The following FAM135A variants were observed in gnomAD, a reference collection of about 807,000 sequenced individuals.
The protein encoded by FAM135A is family with sequence similarity 135 member A, also known as protein FAM135A.
In FAM135A, 79 loss-of-function variants were observed where a neutral mutation model predicts 146.8. The ratio of observed to expected loss-of-function variants is 0.54; its 90% CI spans 0.45 to 0.65. FAM135A has a LOEUF of 0.65. Among genes scored for constraint, FAM135A ranks in the 30% least tolerant of loss-of-function variants. FAM135A has a pLI of 0.00. For synonymous variants in FAM135A, 562 were observed against 603.6 expected, an observed-to-expected ratio of 0.93 and a Z score of 1.01; for missense variants, 1,623 against 1,758.2, an observed-to-expected ratio of 0.92 and a Z score of 1.38.
At chr6:70,559,655 A>G in intron 21 of FAM135A, 61 bp from the exon 22 acceptor site, 1 of 1,361,520 alleles carries the variant, frequency 7.3e-7, no homozygotes, top group Non-Finnish European at 1.0e-6. Context: ...AAATTGGCAT[A>G]GTTTTTTTAT....
At chr6:70,433,670 A>G (rs1346375316) in intron 4 of FAM135A, among the ~76,000 whole-genome samples, 3 of 152,156 alleles carry the variant, frequency 2.0e-5, no homozygotes, top group African/African-American at 7.2e-5. Flanking sequence ...GCTCTCCTCC[A>G]CATAATCTCT....
At chr6:70,454,540 G>C (rs1777872008) in intron 5 of FAM135A, among the ~76,000 whole-genome samples, 2 of 152,300 alleles carry the variant, frequency 1.3e-5, no homozygotes, top group South Asian at 4.1e-4. Flanking sequence ...TATGGTTTTA[G>C]ATATAATGTT....
At chr6:70,500,650 T>G (rs915593919) in intron 11 of FAM135A, among the ~76,000 whole-genome samples, 8 of 152,250 alleles carry the variant, frequency 5.3e-5, no homozygotes, top group African/African-American at 1.9e-4. Flanking sequence ...TGATGGCCTT[T>G]GGATGGCGTT....
chr6:70,433,363 C>T (rs572824866), intron 4 of FAM135A, among the ~76,000 whole-genome samples: 6 of 152,214 alleles, frequency 3.9e-5, no homozygotes, highest in Middle Eastern at 3.4e-3. Context: ...CATGAGCCAC[C>T]GCGCCCGGCC....
chr6:70,465,268 T>G (rs999478881), intron 5 of FAM135A, among the ~76,000 whole-genome samples: 2 of 152,180 alleles, frequency 1.3e-5, no homozygotes, highest in Admixed American at 6.5e-5. Flanking sequence ...TCCATTAATT[T>G]GTAGATAGAC....
At chr6:70,506,715 CTT>C (rs757239054) in intron 12 of FAM135A, among the ~76,000 whole-genome samples, 14 of 123,256 alleles carry the variant, frequency 1.1e-4, no homozygotes, top group Non-Finnish European at 2.2e-4. Flanking sequence ...ATTTTTTTCT[CTT>C]TTTTTTTTAT....
At chr6:70,551,502 TTGGGAGGTTGAAG>T (rs1365317772) in intron 20 of FAM135A, among the ~76,000 whole-genome samples, 1 of 152,164 alleles carries the variant, frequency 6.6e-6, no homozygotes, top group East Asian at 1.9e-4. Context: ...TTTCAGCTAC[TTGGGAGGTTGAAG>T]TGGGAGGATC....
intron 15 of FAM135A, among the ~76,000 whole-genome samples, chr6:70,527,410 TATACACAGAAATTAAG>T (rs1229262717): frequency 2.0e-5 from 3 of 152,120 alleles, no homozygotes; most frequent in Non-Finnish European, 4.4e-5. Context: ...TATTCTGATT[TATACACAGAAATTAAG>T]ATACATAGTG....
chr6:70,526,005 T>G lies in FAM135A; in HGVS notation c.2921T>G (p.Leu974Ter). ...ACATTAAATTCAAAACTGATTTGTT[T>G]AGGCACTCCTTGTGTCATTTCAGGT... Reference protein sequence around the residue: ...AITLNSKLICLGTPCVISGSI... With the variant: ...AITLNSKLIC The change falls in exon 15 of 22, where the codon TTA (leucine) becomes TGA (stop). Residue 974 changes from leucine to a stop codon, truncating the protein, a stop_gained. Transcript: ENST00000418814. LOFTEE classifies it high-confidence loss of function. The G allele has an allele frequency of 6.2e-7, 1 of 1,612,714 alleles. No homozygotes were observed. The highest frequency in any genetic ancestry group is 8.5e-7 in the Non-Finnish European group (1 of 1,179,474).
chr6:70,415,006 A>G (rs369332275), intron 1 of FAM135A, among the ~76,000 whole-genome samples: 1 of 152,218 alleles, frequency 6.6e-6, no homozygotes, highest in East Asian at 1.9e-4. Flanking sequence ...TGCTATTGCA[A>G]TTGATTGCAT....
intron 3 of FAM135A, among the ~76,000 whole-genome samples, chr6:70,427,585 G>A (rs1359020050): frequency 6.6e-6 from 1 of 151,504 alleles, no homozygotes; most frequent in Non-Finnish European, 1.5e-5. Context: ...TGACATATAT[G>A]TTCACTGAAT....
chr6:70,552,320 T>C (rs1178788136), intron 20 of FAM135A, among the ~76,000 whole-genome samples: 2 of 151,790 alleles, frequency 1.3e-5, no homozygotes, highest in Non-Finnish European at 2.9e-5. Context: ...ATAAACCCTT[T>C]ATATAAACCT....
chr6:70,556,276 A>G lies in FAM135A; in HGVS notation c.4229-474A>G, dbSNP rs1350704444. ...AAAATAATAATAATAATTTAAAAAA[A>G]GAAAATATAAATCATATTAAGCAAG... On this transcript the variant is annotated intron_variant, in intron 20 of 21. Transcript: ENST00000418814. Among the ~76,000 whole-genome samples the G allele has an allele frequency of 5.3e-5, 8 of 152,180 alleles. No homozygotes were observed. The East Asian group carries it at 1.5e-3, about 29-fold the overall frequency.
chr6:70,457,690 T>C (rs1778631157), intron 5 of FAM135A, among the ~76,000 whole-genome samples: 2 of 152,210 alleles, frequency 1.3e-5, no homozygotes. Flanking sequence ...AAATACTGGT[T>C]GGAAAGGATT....
At position 70,419,204 on chromosome 6, in the gene FAM135A, A is replaced by T. The variant is rs192139811; in HGVS notation, c.-134+3828A>T. On this transcript the variant is annotated intron_variant, in intron 2 of 21. Transcript: ENST00000418814. The stretch of plus-strand genomic sequence containing the variant: ...GGGAGGCCGAGGCAGGCAGATCACG[A>T]GGTCAGGAGTTCAAGACCAGCCTGG... 7.9e-5 allele frequency among the ~76,000 whole-genome samples: 12 copies of T among 152,128 alleles called. No individual in the cohort carries two copies. The East Asian group carries it at 2.3e-3, about 29-fold the overall frequency.
At chr6:70,521,225 G>GTA (rs1367429951) in intron 12 of FAM135A, among the ~76,000 whole-genome samples, 1 of 152,144 alleles carries the variant, frequency 6.6e-6, no homozygotes, top group East Asian at 1.9e-4. Flanking sequence ...CATTATTGTA[G>GTA]GACTTAGAGA....
chr6:70,529,295 T>G (rs1795330677), intron 16 of FAM135A, among the ~76,000 whole-genome samples: 1 of 152,012 alleles, frequency 6.6e-6, no homozygotes, highest in South Asian at 2.1e-4. Flanking sequence ...TAGGAACTGT[T>G]AGAAGATGCC....
At chr6:70,429,827 A>G (rs1771094634) in intron 4 of FAM135A, among the ~76,000 whole-genome samples, 1 of 152,190 alleles carries the variant, frequency 6.6e-6, no homozygotes, top group African/African-American at 2.4e-5. Flanking sequence ...GTAACTCAAG[A>G]TATAAATCTG....
intron 11 of FAM135A, among the ~76,000 whole-genome samples, chr6:70,498,046 A>G (rs1787694841): frequency 6.6e-6 from 1 of 152,338 alleles, no homozygotes; most frequent in East Asian, 1.9e-4. Context: ...TTCAGAAGGA[A>G]TGGTACTAGC....
Sources: allele counts gnomAD v4.1 joint callset (sites outside exome capture counted in the v4.1 genomes callset), GRCh38; gene constraint gnomAD v4.1.1; transcripts MANE v1.5; gene names NCBI Gene and HGNC (gene_info 2026-07-23, HGNC 2026-07-21).